GRIP1: variants seen among roughly 807,000 people sequenced by gnomAD.
The protein encoded by GRIP1 is glutamate receptor-interacting protein 1.
A neutral mutation model predicts 129.9 loss-of-function variants in GRIP1; 45 were observed. The ratio of observed to expected loss-of-function variants is 0.35; its 90% CI spans 0.27 to 0.44. The LOEUF is 0.44. GRIP1 is among the 20% of genes least tolerant of loss of function. The pLI is 1.00. For synonymous variants in GRIP1, 530 were observed against 520.8 expected, an observed-to-expected ratio of 1.02 and a Z score of -0.24; for missense variants, 1,196 against 1,396.8, an observed-to-expected ratio of 0.86 and a Z score of 2.29.
At chr12:66,517,159 C>A (rs2060869015) in intron 6 of GRIP1, among the ~76,000 whole-genome samples, 1 of 152,132 alleles carries the variant, frequency 6.6e-6, no homozygotes, top group African/African-American at 2.4e-5. Flanking sequence ...TCCTCCCCTT[C>A]AACAATCTCT....
chr12:66,379,473 G>A (rs932008766), intron 19 of GRIP1, 37 bp from the exon 20 acceptor site: 2 of 1,602,772 alleles, frequency 1.2e-6, no homozygotes, highest in Non-Finnish European at 1.7e-6. Flanking sequence ...TGGGCCCAAG[G>A]ATTACTTAAT....
intron 9 of GRIP1, among the ~76,000 whole-genome samples, chr12:66,457,540 G>A (rs1283163330): frequency 4.6e-5 from 7 of 152,204 alleles, no homozygotes; most frequent in Admixed American, 4.6e-4. Flanking sequence ...ATTAAGGCAT[G>A]AGCCACCATG....
intron 1 of GRIP1, among the ~76,000 whole-genome samples, chr12:66,838,315 T>C (rs2137040102): frequency 6.6e-6 from 1 of 152,274 alleles, no homozygotes; most frequent in African/African-American, 2.4e-5. Context: ...TTTGTTTCTA[T>C]GATTTTTAGA....
upstream of GRIP1, among the ~76,000 whole-genome samples, chr12:66,681,052 G>A (rs1017914120): frequency 6.6e-6 from 1 of 152,066 alleles, no homozygotes; most frequent in East Asian, 1.9e-4. Context: ...TTTGGCAGGG[G>A]AAATAACCCA....
chr12:67,017,499 G>A (rs2042805594), intron 1 of GRIP1, among the ~76,000 whole-genome samples: 2 of 151,270 alleles, frequency 1.3e-5, no homozygotes, highest in South Asian at 2.1e-4. Flanking sequence ...AATAAAGTGT[G>A]GCAAATTAAA....
At position 66,996,077 on chromosome 12, in the gene GRIP1, C is replaced by G. The variant is rs184273301; in HGVS notation, c.58+72973G>C. On this transcript the variant is annotated intron_variant, in intron 1 of 1. Coordinates refer to the GRIP1 transcript ENST00000643019. The stretch of plus-strand genomic sequence containing the variant: ...TGTATGAATCCATTTATATGACATG[C>G]TCAGAATAGGCATATCTACCGAGAC... Among the ~76,000 whole-genome samples the G allele has an allele frequency of 1.1e-3, 164 of 151,994 alleles. 2 individuals are homozygous for G. The highest frequency in any genetic ancestry group is 6.8e-3 in the Middle Eastern group (2 of 294).
intron 2 of GRIP1, among the ~76,000 whole-genome samples, chr12:66,570,518 T>C (rs1017695535): frequency 2.6e-5 from 4 of 152,134 alleles, no homozygotes; most frequent in Admixed American, 2.0e-4. Context: ...TTCCTCCACA[T>C]AAGATTTTGA....
chr12:66,414,894 T>C (rs1407057552), intron 15 of GRIP1, among the ~76,000 whole-genome samples: 1 of 144,542 alleles, frequency 6.9e-6, no homozygotes, highest in African/African-American at 2.8e-5. Flanking sequence ...GCTAATCGTA[T>C]GCAGAAAATT....
At chr12:66,654,056 C>T (rs1325377894) in intron 1 of GRIP1, among the ~76,000 whole-genome samples, 1 of 152,136 alleles carries the variant, frequency 6.6e-6, no homozygotes, top group African/African-American at 2.4e-5. Flanking sequence ...GGTCACCACT[C>T]AGCACTGTGA....
At chr12:67,018,877 G>A (rs2042825522) in intron 1 of GRIP1, among the ~76,000 whole-genome samples, 1 of 151,954 alleles carries the variant, frequency 6.6e-6, no homozygotes, top group Admixed American at 6.6e-5. Flanking sequence ...CATCAAGTAA[G>A]TACTCCCTTC....
chr12:66,911,886 T>A (rs1014685549), intron 1 of GRIP1, among the ~76,000 whole-genome samples: 1 of 152,212 alleles, frequency 6.6e-6, no homozygotes, highest in Non-Finnish European at 1.5e-5. Context: ...TGCCATCAAT[T>A]CCTGGCACCA....
chr12:66,690,301 T>C (rs2034935376), intron 1 of GRIP1, among the ~76,000 whole-genome samples: 1 of 152,042 alleles, frequency 6.6e-6, no homozygotes, highest in Non-Finnish European at 1.5e-5. Context: ...TCACTTAACA[T>C]AATATCCTCC....
chr12:66,584,433 C>T (rs934200991), intron 2 of GRIP1, among the ~76,000 whole-genome samples: 11 of 152,018 alleles, frequency 7.2e-5, no homozygotes, highest in South Asian at 2.1e-4. Flanking sequence ...ATTAGCCAGG[C>T]GTGGTGGCAC....
At chr12:66,425,897 C>T (rs2057969253) in intron 14 of GRIP1, among the ~76,000 whole-genome samples, 3 of 152,228 alleles carry the variant, frequency 2.0e-5, no homozygotes, top group South Asian at 4.1e-4. Flanking sequence ...GGGTGCAGCA[C>T]ACCAACATGG....
At chr12:66,454,907 T>C (rs966990066) in intron 11 of GRIP1, among the ~76,000 whole-genome samples, 3 of 152,196 alleles carry the variant, frequency 2.0e-5, no homozygotes, top group African/African-American at 4.8e-5. Flanking sequence ...ATATTTATCA[T>C]TGTTTTGGGG....
In GRIP1 at chr12:66,834,102, TG is replaced by T. The variant is rs1238868926; in HGVS notation, c.58+234947del. ...CTGAGGAAGGAGAATCGTTTGAACA[TG>T]GGAGATGGAAGTTGCAGTGAGCCCA... is the stretch of plus-strand genomic sequence containing the variant. On this transcript the variant is annotated intron_variant, in intron 1 of 1. Transcript: ENST00000643019. 4.5e-5 allele frequency among the ~76,000 whole-genome samples: 6 copies of T among 134,648 alleles called. No homozygotes were observed. The East Asian group carries it at 1.4e-3, about 31-fold the overall frequency. The allele number at this position is 134,648 out of a possible 152,430, so 88.3% of individuals were successfully genotyped here.
intron 7 of GRIP1, among the ~76,000 whole-genome samples, chr12:66,468,757 T>C (rs2059357166): frequency 6.6e-6 from 1 of 151,884 alleles, no homozygotes; most frequent in Non-Finnish European, 1.5e-5. Context: ...CCAATGATCA[T>C]GAAGAATTAA....
chr12:66,617,083 T>TGGTGTGTG (rs2065069355), intron 1 of GRIP1, among the ~76,000 whole-genome samples: 1 of 51,152 alleles, frequency 2.0e-5, no homozygotes. Context: ...GCAACAGACG[T>TGGTGTGTG]TTTGTGTGTG....
intron 1 of GRIP1, among the ~76,000 whole-genome samples, chr12:66,626,302 T>A (rs2030034076): frequency 6.7e-6 from 1 of 149,764 alleles, no homozygotes; most frequent in South Asian, 2.1e-4. Context: ...ACCGCACCAC[T>A]GCACTCCAGC....
Sources: allele counts gnomAD v4.1 joint callset (sites outside exome capture counted in the v4.1 genomes callset), GRCh38; gene constraint gnomAD v4.1.1; transcripts MANE v1.5; gene names NCBI Gene and HGNC (gene_info 2026-07-23, HGNC 2026-07-21).